PSEN1: variants seen among roughly 807,000 people sequenced by gnomAD.
The protein encoded by PSEN1 is presenilin 1.
PSEN1 carries 15 observed loss-of-function variants against 53.5 expected under a neutral mutation model. The ratio of observed to expected loss-of-function variants is 0.28; its 90% CI spans 0.19 to 0.43. PSEN1 has a LOEUF of 0.43. PSEN1 is among the 20% of genes least tolerant of loss of function. The probability of loss-of-function intolerance (pLI) is 1.00; values close to 1 mark genes in which losing one functional copy is unlikely to be tolerated. For missense variants in PSEN1, 387 were observed against 571.2 expected (o/e 0.68, Z 3.29); for synonymous variants, 208 against 209.8 (o/e 0.99, Z 0.08).
chr14:73,144,742 C>G (rs929919295), intron 1 of PSEN1, among the ~76,000 whole-genome samples: 5 of 152,066 alleles, frequency 3.3e-5, no homozygotes, highest in Non-Finnish European at 5.9e-5. Context: ...CAGTGTCTTT[C>G]TTGTTTAGTG....
chr14:73,176,590 C>T (rs909409853), intron 5 of PSEN1, among the ~76,000 whole-genome samples: 1 of 152,182 alleles, frequency 6.6e-6, no homozygotes, highest in African/African-American at 2.4e-5. Context: ...TTCATATTTT[C>T]ACACATAAAA....
At chr14:73,181,383 G>C (rs1019478856) in intron 5 of PSEN1, among the ~76,000 whole-genome samples, 1 of 152,148 alleles carries the variant, frequency 6.6e-6, no homozygotes, top group African/African-American at 2.4e-5. Flanking sequence ...TGGAGGTTGC[G>C]GTGAGATTGC....
At chr14:73,173,753 T>C (rs376893399) in intron 5 of PSEN1, 46 bp downstream of exon 5, 3 of 1,598,330 alleles carry the variant, frequency 1.9e-6, no homozygotes, top group Non-Finnish European at 2.6e-6. Context: ...GTTCTTCTTA[T>C]GGTTGGGTAT....
At chr14:73,189,538 G>A (rs759076775) in intron 6 of PSEN1, among the ~76,000 whole-genome samples, 20 of 152,036 alleles carry the variant, frequency 1.3e-4, no homozygotes, top group Non-Finnish European at 5.9e-5. Flanking sequence ...CGTGAACCTG[G>A]GAGATGGAGG....
chr14:73,197,787 CA>C, intron 7 of PSEN1: 1 of 509,042 alleles, frequency 2.0e-6, no homozygotes, highest in South Asian at 2.1e-5. Context: ...GTACACTAAG[CA>C]AATAGCAGTC....
At chr14:73,181,118 TGA>T (rs1898199201) in intron 5 of PSEN1, among the ~76,000 whole-genome samples, 2 of 152,192 alleles carry the variant, frequency 1.3e-5, no homozygotes, top group Admixed American at 6.5e-5. Context: ...TTTATCCGTA[TGA>T]GTAGACTATT....
At chr14:73,166,286 A>T (rs1897715879) in intron 3 of PSEN1, among the ~76,000 whole-genome samples, 2 of 152,146 alleles carry the variant, frequency 1.3e-5, no homozygotes, top group Admixed American at 6.5e-5. Context: ...GACTTAGCTA[A>T]TTAAACTGTT....
intron 1 of PSEN1, among the ~76,000 whole-genome samples, chr14:73,138,499 G>A (rs1372986659): frequency 6.7e-5 from 10 of 149,426 alleles, no homozygotes; most frequent in African/African-American, 2.2e-4. Flanking sequence ...GATTACAGGC[G>A]TGAGCCACCC....
chr14:73,193,495 A>C (rs1898807817), intron 7 of PSEN1, among the ~76,000 whole-genome samples: 1 of 145,422 alleles, frequency 6.9e-6, no homozygotes, highest in Non-Finnish European at 1.5e-5. Flanking sequence ...GGTTGCAGTG[A>C]GCCGAGATGG....
At chr14:73,156,960 C>T (rs1897375789) in intron 3 of PSEN1, among the ~76,000 whole-genome samples, 1 of 151,912 alleles carries the variant, frequency 6.6e-6, no homozygotes, top group Non-Finnish European at 1.5e-5. Flanking sequence ...CCACGCCTGG[C>T]CTTTTTTTTA....
Position 73,207,110 on chromosome 14 carries a change from A to T in PSEN1, c.955+638A>T, listed in dbSNP as rs369767425. Among the ~76,000 whole-genome samples, 24 of 152,278 alleles carry T rather than the reference A, an allele frequency of 1.6e-4. No homozygotes were observed. The East Asian group carries it at 3.5e-3, about 22-fold the overall frequency. Reference sequence around the variant, plus strand: ...GGCAAGAGGATCACTTGAGCTAAGGAGTTCCGGATTACCCTGGGCAACTTA... The same window carrying T: ...GGCAAGAGGATCACTTGAGCTAAGGTGTTCCGGATTACCCTGGGCAACTTA... On this transcript the variant is annotated intron_variant, in intron 9 of 11. Transcript: ENST00000324501.
At chr14:73,183,347 G>A (rs1898285903) in intron 5 of PSEN1, among the ~76,000 whole-genome samples, 1 of 151,864 alleles carries the variant, frequency 6.6e-6, no homozygotes, top group African/African-American at 2.4e-5. Context: ...TCTCACAGAG[G>A]GGGATTTGGC....
intron 1 of PSEN1, among the ~76,000 whole-genome samples, chr14:73,139,941 G>C (rs948174675): frequency 1.3e-5 from 2 of 152,054 alleles, no homozygotes; most frequent in African/African-American, 4.8e-5. Flanking sequence ...AAGACTGCAG[G>C]CAATGCTAAA....
chr14:73,200,998 C>T (rs1594745173), intron 8 of PSEN1, among the ~76,000 whole-genome samples: 1 of 152,142 alleles, frequency 6.6e-6, no homozygotes, highest in Non-Finnish European at 1.5e-5. Context: ...TTACAGTGAG[C>T]CATGATCGTG....
intron 1 of PSEN1, among the ~76,000 whole-genome samples, chr14:73,146,825 A>G (rs985930694): frequency 2.0e-5 from 3 of 152,236 alleles, no homozygotes; most frequent in African/African-American, 7.2e-5. Context: ...AGCGTTAGGT[A>G]TGTACACGGA....
intron 7 of PSEN1, among the ~76,000 whole-genome samples, chr14:73,197,176 G>C (rs368080237): frequency 6.6e-6 from 1 of 151,888 alleles, no homozygotes; most frequent in Non-Finnish European, 1.5e-5. Flanking sequence ...CTTGTGATCC[G>C]CCCACCTCGG....
intron 3 of PSEN1, among the ~76,000 whole-genome samples, chr14:73,161,163 C>T (rs1402712555): frequency 3.3e-5 from 5 of 151,718 alleles, no homozygotes; most frequent in Non-Finnish European, 7.4e-5. Flanking sequence ...TTTGTAGAGA[C>T]GGAGTTTCAC....
intron 3 of PSEN1, among the ~76,000 whole-genome samples, chr14:73,152,946 A>G (rs116226928): frequency 0.042 from 6,389 of 152,166 alleles, 362 homozygotes; most frequent in African/African-American, 0.12. Flanking sequence ...GGGAGGCTGA[A>G]GCAAGAGGAT....
At chr14:73,173,821 TA>T in intron 5 of PSEN1, 114 bp downstream of exon 5, 3 of 1,290,686 alleles carry the variant, frequency 2.3e-6, no homozygotes, top group Non-Finnish European at 2.3e-6. Flanking sequence ...CTTCTAGAGA[TA>T]AGTTAATTTT....
Sources: allele counts gnomAD v4.1 joint callset (sites outside exome capture counted in the v4.1 genomes callset), GRCh38; gene constraint gnomAD v4.1.1; transcripts MANE v1.5; gene names NCBI Gene and HGNC (gene_info 2026-07-23, HGNC 2026-07-21).